The following DRC8 variants were observed in gnomAD, a reference collection of about 807,000 sequenced individuals.
DRC8 encodes dynein regulatory complex subunit 8.
At chr1:245,002,058 A>T in the DRC8 span, 1 of 1,318,964 alleles carries the variant, frequency 7.6e-7, no homozygotes, top group South Asian at 1.3e-5. Flanking sequence ...TTCATCACGT[A>T]ATCACTCATA....
the DRC8 span, among the ~76,000 whole-genome samples, chr1:245,074,026 TA>T: frequency 6.6e-6 from 1 of 152,292 alleles, no homozygotes; most frequent in Non-Finnish European, 1.5e-5. Flanking sequence ...AATGCAAAAA[TA>T]AAGAGCAATA....
chr1:245,083,930 A>G, the DRC8 span: 1 of 425,500 alleles, frequency 2.4e-6, no homozygotes, highest in Non-Finnish European at 4.1e-6. Context: ...GATTACTTCT[A>G]TAATTTCAGG....
the DRC8 span, among the ~76,000 whole-genome samples, chr1:245,035,879 AAAGAAG>A: frequency 1.3e-5 from 2 of 151,658 alleles, no homozygotes; most frequent in Non-Finnish European, 2.9e-5. Flanking sequence ...AAAAAAAAAA[AAAGAAG>A]AAGAAGAAGA....
the DRC8 span, among the ~76,000 whole-genome samples, chr1:245,005,006 CAAA>C: frequency 6.6e-6 from 1 of 152,124 alleles, no homozygotes; most frequent in African/African-American, 2.4e-5. Flanking sequence ...TATGTATTGT[CAAA>C]TACTTGTTCT....
the DRC8 span, among the ~76,000 whole-genome samples, chr1:245,085,036 C>G: frequency 6.6e-6 from 1 of 152,194 alleles, no homozygotes; most frequent in Non-Finnish European, 1.5e-5. Context: ...TGAATTTAGT[C>G]AAAATGGCCC....
At chr1:245,038,462 T>A in the DRC8 span, among the ~76,000 whole-genome samples, 1 of 139,106 alleles carries the variant, frequency 7.2e-6, no homozygotes, top group Non-Finnish European at 1.5e-5. Flanking sequence ...AGAGTGAGAC[T>A]CCGTCTCAAA....
chr1:245,094,751 C>G, the DRC8 span, among the ~76,000 whole-genome samples: 1 of 152,238 alleles, frequency 6.6e-6, no homozygotes, highest in South Asian at 2.1e-4. Flanking sequence ...GTAAAATACT[C>G]TAAAAATTAC....
the DRC8 span, among the ~76,000 whole-genome samples, chr1:245,074,086 C>T: frequency 6.6e-6 from 1 of 152,064 alleles, no homozygotes; most frequent in Non-Finnish European, 1.5e-5. Flanking sequence ...TAGCTGTGGA[C>T]GTAGTAAAGT....
chr1:245,041,113 A>G, the DRC8 span, among the ~76,000 whole-genome samples: 4 of 152,238 alleles, frequency 2.6e-5, no homozygotes, highest in South Asian at 4.2e-4. Context: ...TCTGGAAGTA[A>G]TTTTCGAGAT....
chr1:244,979,549 G>A, the DRC8 span, among the ~76,000 whole-genome samples: 1 of 151,480 alleles, frequency 6.6e-6, no homozygotes, highest in African/African-American at 2.4e-5. Context: ...CAAATGATCC[G>A]CCTGCCTTGG....
the DRC8 span, among the ~76,000 whole-genome samples, chr1:245,090,805 A>G: frequency 6.6e-6 from 1 of 151,864 alleles, no homozygotes; most frequent in Non-Finnish European, 1.5e-5. Context: ...GTTCCAGACT[A>G]TACCTGTCCC....
the DRC8 span, among the ~76,000 whole-genome samples, chr1:245,089,957 A>T: frequency 6.6e-6 from 1 of 152,098 alleles, no homozygotes; most frequent in African/African-American, 2.4e-5. The surrounding 1 kb of genome is among the most constrained non-coding windows in gnomAD (Gnocchi z 4.8). Flanking sequence ...GTTTCAAGAG[A>T]ATGGTGTAAT....
chr1:244,970,051 C>A, the DRC8 span: 1 of 626,636 alleles, frequency 1.6e-6, no homozygotes, highest in South Asian at 1.8e-5. Context: ...GGGGTGTGTG[C>A]GCGCGCGTGC....
At chr1:245,067,826 T>C in the DRC8 span, among the ~76,000 whole-genome samples, 4 of 152,218 alleles carry the variant, frequency 2.6e-5, no homozygotes, top group African/African-American at 9.6e-5. Flanking sequence ...TGGGAGTAAT[T>C]ATGTTCTTAT....
chr1:244,972,107 G>C, the DRC8 span, among the ~76,000 whole-genome samples: 2 of 151,822 alleles, frequency 1.3e-5, no homozygotes, highest in Non-Finnish European at 2.9e-5. Context: ...TTTAAAAACT[G>C]AGAGCTTTCC....
At chr1:245,111,102 G>A in the DRC8 span, among the ~76,000 whole-genome samples, 2 of 152,102 alleles carry the variant, frequency 1.3e-5, no homozygotes, top group African/African-American at 4.8e-5. Context: ...TACCAGAAAA[G>A]CATGCATGCT....
chr1:245,071,423 G>A, the DRC8 span, among the ~76,000 whole-genome samples: 1 of 152,318 alleles, frequency 6.6e-6, no homozygotes, highest in Non-Finnish European at 1.5e-5. Context: ...ACATAAATGA[G>A]GGATGAGGTA....
chr1:244,989,880 T>A, the DRC8 span, among the ~76,000 whole-genome samples: 3 of 152,178 alleles, frequency 2.0e-5, no homozygotes, highest in Admixed American at 6.5e-5. Flanking sequence ...TCTGAAAATA[T>A]TAAATGGAAA....
At chr1:244,974,291 C>T in the DRC8 span, among the ~76,000 whole-genome samples, 67 of 152,274 alleles carry the variant, frequency 4.4e-4, no homozygotes, top group Middle Eastern at 0.01. Context: ...TAATTAGACT[C>T]ACGTCTAGGA....
Sources: gnomAD v4.1 joint callset for allele counts (sites outside exome capture counted in the v4.1 genomes callset) on GRCh38, gnomAD v4.1.1 for gene constraint, Gnocchi (gnomAD v3.1) non-coding constraint, MANE v1.5 for transcripts, NCBI Gene and HGNC (gene_info 2026-07-23, HGNC 2026-07-21) for gene names.